PHKB: variants seen among roughly 807,000 people sequenced by gnomAD.
PHKB encodes phosphorylase kinase regulatory subunit beta.
In PHKB, 122 loss-of-function variants were observed where a neutral mutation model predicts 152.1. The observed-to-expected ratio is 0.80, with a 90% CI of 0.69 to 0.93. PHKB has a LOEUF of 0.93. PHKB is among the 40% of genes least tolerant of loss of function. PHKB has a pLI of 0.00. For synonymous variants in PHKB, 436 were observed against 464.9 expected (o/e 0.94, Z 0.80); for missense variants, 1,304 against 1,328.4 (o/e 0.98, Z 0.29).
intron 14 of PHKB, among the ~76,000 whole-genome samples, chr16:47,623,295 G>GA (rs1455686742): frequency 4.6e-5 from 7 of 151,816 alleles, no homozygotes; most frequent in African/African-American, 1.2e-4. Context: ...AAAGAGATGA[G>GA]AAAAAATCCT....
At chr16:47,636,036 TA>T (rs771645928) in intron 14 of PHKB, among the ~76,000 whole-genome samples, 136 of 152,330 alleles carry the variant, frequency 8.9e-4, no homozygotes, top group Non-Finnish European at 1.6e-3. Context: ...GGAGGTTATG[TA>T]AAAGGCATCA....
At chr16:47,471,697 T>C (rs1969770678) in intron 1 of PHKB, among the ~76,000 whole-genome samples, 1 of 152,220 alleles carries the variant, frequency 6.6e-6, no homozygotes, top group Admixed American at 6.5e-5. Flanking sequence ...AGAATATTCC[T>C]GTGGCCCATT....
At chr16:47,466,971 T>G (rs1269129643) in intron 1 of PHKB, among the ~76,000 whole-genome samples, 1 of 152,174 alleles carries the variant, frequency 6.6e-6, no homozygotes, top group African/African-American at 2.4e-5. Context: ...TTACTACCTA[T>G]TTGATCCTGA....
At chr16:47,600,869 G>A (rs889753701) in intron 13 of PHKB, among the ~76,000 whole-genome samples, 1 of 152,224 alleles carries the variant, frequency 6.6e-6, no homozygotes, top group Non-Finnish European at 1.5e-5. Context: ...TTGAGGCTGG[G>A]TGCAGTGGCT....
At chr16:47,608,210 T>G (rs1440049344) in intron 13 of PHKB, among the ~76,000 whole-genome samples, 2 of 152,170 alleles carry the variant, frequency 1.3e-5, no homozygotes, top group Admixed American at 1.3e-4. Flanking sequence ...ATTTATCTCT[T>G]TACTTCTTTT....
chr16:47,682,527 T>C (rs978799286), intron 26 of PHKB, among the ~76,000 whole-genome samples: 1 of 152,238 alleles, frequency 6.6e-6, no homozygotes, highest in African/African-American at 2.4e-5. Flanking sequence ...CTTCCATCAC[T>C]GATACCCTTT....
At chr16:47,486,932 TAA>T (rs1463047068) in intron 1 of PHKB, among the ~76,000 whole-genome samples, 1 of 152,210 alleles carries the variant, frequency 6.6e-6, no homozygotes, top group Non-Finnish European at 1.5e-5. Flanking sequence ...ACATGTCCCA[TAA>T]CTGGAAGATT....
chr16:47,531,800 T>C (rs1335404256), intron 6 of PHKB, among the ~76,000 whole-genome samples: 1 of 152,234 alleles, frequency 6.6e-6, no homozygotes, highest in Non-Finnish European at 1.5e-5. Flanking sequence ...TATCACAATC[T>C]GAGAACTACT....
intron 13 of PHKB, among the ~76,000 whole-genome samples, chr16:47,606,774 C>A (rs1229601014): frequency 6.6e-6 from 1 of 152,132 alleles, no homozygotes; most frequent in Non-Finnish European, 1.5e-5. Context: ...AGAAATCCTG[C>A]TGTAGTGAGT....
At chr16:47,558,779 C>T (rs1971426896) in intron 7 of PHKB, among the ~76,000 whole-genome samples, 1 of 152,172 alleles carries the variant, frequency 6.6e-6, no homozygotes, top group Non-Finnish European at 1.5e-5. Context: ...GAGCCCCTGA[C>T]CTCAAGTGGT....
intron 13 of PHKB, among the ~76,000 whole-genome samples, chr16:47,600,663 A>T (rs1972206850): frequency 6.6e-6 from 1 of 152,226 alleles, no homozygotes; most frequent in African/African-American, 2.4e-5. Context: ...CCTAGACTAT[A>T]AACTTGTAGA....
intron 13 of PHKB, chr16:47,598,907 C>T: frequency 6.3e-7 from 1 of 1,595,980 alleles, no homozygotes; most frequent in Non-Finnish European, 8.5e-7. Context: ...TCAAGAACGT[C>T]AAGAATCTTT....
intron 13 of PHKB, chr16:47,598,851 A>G (rs1972169533): frequency 6.2e-7 from 1 of 1,606,294 alleles, no homozygotes; most frequent in Admixed American, 1.7e-5. Context: ...TCTCATTTGT[A>G]ATCTGTTCTG....
chr16:47,694,986 G>A (rs1974123008), intron 28 of PHKB, among the ~76,000 whole-genome samples: 1 of 152,200 alleles, frequency 6.6e-6, no homozygotes, highest in Admixed American at 6.5e-5. Flanking sequence ...ACTTTTCTAA[G>A]TGCTCATTTA....
intron 20 of PHKB, among the ~76,000 whole-genome samples, chr16:47,657,592 T>C (rs1249633092): frequency 1.3e-5 from 2 of 152,182 alleles, no homozygotes; most frequent in Non-Finnish European, 2.9e-5. Context: ...AATACTAATA[T>C]AGGAGCTTCT....
intron 26 of PHKB, among the ~76,000 whole-genome samples, chr16:47,675,201 T>C (rs895179958): frequency 1.3e-5 from 2 of 152,132 alleles, no homozygotes; most frequent in Non-Finnish European, 1.5e-5. Flanking sequence ...TTGGAACTAG[T>C]GTGAGTGACG....
chr16:47,516,182 T>A (rs1306091006), intron 6 of PHKB, among the ~76,000 whole-genome samples: 1 of 152,162 alleles, frequency 6.6e-6, no homozygotes, highest in African/African-American at 2.4e-5. Flanking sequence ...CACCTCGGCC[T>A]CCCAAAGTGC....
intron 14 of PHKB, among the ~76,000 whole-genome samples, chr16:47,637,113 G>A (rs1394272329): frequency 2.0e-5 from 3 of 152,174 alleles, no homozygotes; most frequent in Non-Finnish European, 4.4e-5. Context: ...GCAGAAAGGA[G>A]CTCCCACTGC....
intron 29 of PHKB, 48 bp downstream of exon 29, chr16:47,696,536 T>G: frequency 9.5e-7 from 1 of 1,048,424 alleles, no homozygotes; most frequent in Non-Finnish European, 1.5e-6. Flanking sequence ...TTCTCTCTGC[T>G]CCGTGAAAAC....
Sources: allele counts gnomAD v4.1 joint callset (sites outside exome capture counted in the v4.1 genomes callset), GRCh38; gene constraint gnomAD v4.1.1; transcripts MANE v1.5; gene names NCBI Gene and HGNC (gene_info 2026-07-23, HGNC 2026-07-21).